Variants in AHCTF1 observed in about 807,000 individuals in gnomAD.
AHCTF1 encodes the protein protein ELYS.
In AHCTF1, 24 loss-of-function variants were observed where a neutral mutation model predicts 248.4. That is an observed-to-expected ratio of 0.10 (90% CI 0.07 to 0.14). The LOEUF is 0.14. Ranked by LOEUF, AHCTF1 falls within the 10% of genes least tolerant of loss-of-function variation. The pLI, the probability that AHCTF1 is intolerant of heterozygous loss-of-function variation, is 1.00. For missense variants in AHCTF1, 2,206 were observed against 2,636.2 expected, an observed-to-expected ratio of 0.84 and a Z score of 3.57; for synonymous variants, 786 against 929.8, an observed-to-expected ratio of 0.85 and a Z score of 2.81.
chr1:246,849,617 T>C lies in AHCTF1; in HGVS notation c.6389A>G (p.Lys2130Arg), dbSNP rs138284466. 2.5e-4 allele frequency: 398 copies of C among 1,602,004 alleles called. No homozygotes were observed. Among genetic ancestry groups the C allele is most frequent in the Non-Finnish European group, 3.3e-4 (389 of 1,173,564 alleles). ...SPASEVPRKA[K>R]AKKIEVPAQL... is the part of the protein sequence containing the mutation. Reference sequence around the variant, plus strand: ...GTTTTGCAGAGAAAGAAAAGTACCTTTTGCTTTCCTTGGAACTTCTGACGC... The same window carrying C: ...GTTTTGCAGAGAAAGAAAAGTACCTCTTGCTTTCCTTGGAACTTCTGACGC... Residue 2130 changes from lysine (K) to arginine (R), a missense_variant and splice_region_variant, in exon 33 of 36, where the codon AAA becomes AGA. Around this residue, in one of 6 missense-constraint regions of AHCTF1, gnomAD observed 469 missense variants for 470.0 expected, o/e 1.00. Coordinates refer to ENST00000648844, the MANE Select transcript of AHCTF1 (RefSeq NM_001323342.2).
chr1:246,851,367 G>T lies in AHCTF1; in HGVS notation c.4639C>A (p.Pro1547Thr). Residue 1547 changes from proline (P) to threonine (T), a missense_variant, in exon 33 of 36, where the codon CCC (proline) becomes ACC (threonine). Physicochemically the swap from Pro to Thr is conservative, Grantham distance 38. Transcript: ENST00000648844. ...ARNLSFNELY[P>T]SGTLKLQYNF... Reference sequence around the variant, plus strand: ...TACTGAAGCTTAAGTGTTCCAGAGGGATATAACTCATTAAATGAAAGATTC... The same window carrying T: ...TACTGAAGCTTAAGTGTTCCAGAGGTATATAACTCATTAAATGAAAGATTC... The T allele has an allele frequency of 6.2e-7, 1 of 1,613,798 alleles. No individual in the cohort carries two copies. The highest frequency in any genetic ancestry group is 8.5e-7 in the Non-Finnish European group (1 of 1,179,778).
At chr1:246,863,425 C>G (rs1380304867) in intron 27 of AHCTF1, among the ~76,000 whole-genome samples, 1 of 151,482 alleles carries the variant, frequency 6.6e-6, no homozygotes, top group East Asian at 1.9e-4. Context: ...AAGGCCACCA[C>G]TAGCAGATAT....
intron 1 of AHCTF1, among the ~76,000 whole-genome samples, chr1:246,921,614 T>A (rs1666555930): frequency 6.6e-6 from 1 of 152,104 alleles, no homozygotes; most frequent in South Asian, 2.1e-4. Context: ...ATTTCCCAGA[T>A]TTACAGACAC....
intron 24 of AHCTF1, among the ~76,000 whole-genome samples, chr1:246,874,580 G>A (rs1475167459): frequency 6.6e-6 from 1 of 152,068 alleles, no homozygotes; most frequent in African/African-American, 2.4e-5. Flanking sequence ...CCCACTGCCA[G>A]GCTGCCTTGG....
At chr1:246,842,671 A>AC (rs1553282444) in intron 35 of AHCTF1, 23 bp downstream of exon 35, 11 of 1,606,062 alleles carry the variant, frequency 6.8e-6, no homozygotes, top group South Asian at 6.6e-5. Context: ...TCAATCAATC[A>AC]AGAACAGAAC....
intron 16 of AHCTF1, 100 bp from the exon 17 acceptor site, chr1:246,890,159 C>G: frequency 1.2e-6 from 1 of 816,710 alleles, no homozygotes; most frequent in Non-Finnish European, 1.9e-6. Flanking sequence ...ACAGCAACCC[C>G]TGGTTAACCC....
intron 24 of AHCTF1, among the ~76,000 whole-genome samples, chr1:246,868,765 C>T (rs1281720867): frequency 6.6e-6 from 1 of 150,458 alleles, no homozygotes; most frequent in Non-Finnish European, 1.5e-5. Context: ...ACAGAGCAGC[C>T]AATAAAAAAG....
In AHCTF1 at chr1:246,858,273, C is replaced by T. The variant is rs1456398264; in HGVS notation, c.4133-459G>A. Among the ~76,000 whole-genome samples the T allele has an allele frequency of 1.3e-5, 2 of 152,200 alleles. 1 individual carries two copies. The highest frequency in any genetic ancestry group is 4.1e-4 in the South Asian group (2 of 4,824). On this transcript the variant is annotated intron_variant, in intron 29 of 35. Coordinates refer to ENST00000648844, the MANE Select transcript of AHCTF1 (RefSeq NM_001323342.2). ...TGCACCCGGCCAACACCTTCTTCTTCTAATTCTCTGAACCTAGCTCAAGAG... is the reference window on the plus strand; with the variant it reads ...TGCACCCGGCCAACACCTTCTTCTTTTAATTCTCTGAACCTAGCTCAAGAG...
Position 246,899,532 on chromosome 1 carries a change from A to C in AHCTF1, c.1433-20T>G, listed in dbSNP as rs1230800724. The C allele has an allele frequency of 1.3e-6, 2 of 1,591,750 alleles. No individual in the cohort carries two copies. Among genetic ancestry groups the C allele is most frequent in the Non-Finnish European group, 1.7e-6 (2 of 1,163,348 alleles). On this transcript the variant is annotated intron_variant, in intron 10 of 35. Coordinates refer to ENST00000648844, the MANE Select transcript of AHCTF1 (RefSeq NM_001323342.2). ...TGGCATCTAAAAAAAAGATTTAAAA[A>C]ATAATCCACTTACATATATTTAAAA...
chr1:246,849,647 G>A lies in AHCTF1; in HGVS notation c.6359C>T (p.Ser2120Phe), dbSNP rs1455894465. ...LSEPNNEPLFSPASEVPRKAK... is the reference protein window; with the variant it reads ...LSEPNNEPLFFPASEVPRKAK... ...TTTCCTTGGAACTTCTGACGCTGGA[G>A]AAAATAAAGGCTCATTGTTTGGTTC... is the stretch of plus-strand genomic sequence containing the variant. The change falls in exon 33 of 36, where the codon TCT (serine) becomes TTT (phenylalanine). Residue 2120 changes from serine to phenylalanine, a missense_variant. Transcript: ENST00000648844. The A allele has an allele frequency of 7.5e-6, 12 of 1,610,292 alleles. No individual in the cohort carries two copies. The highest frequency in any genetic ancestry group is 1.0e-5 in the Non-Finnish European group (12 of 1,177,324).
rs373985621 is a variant in AHCTF1 at position 246,913,384 on chromosome 1, T to C, written c.404A>G (p.His135Arg). 1.8e-5 allele frequency: 29 copies of C among 1,612,596 alleles called. No homozygotes were observed. The highest frequency in any genetic ancestry group is 1.6e-4 in the Middle Eastern group (1 of 6,078). ...CTGAGTGCTTGCACTGGCTCCTCCA[T>C]GATTAATTATAGGTTCAATAGCTGT... The part of the protein sequence containing the change: ...RVTAIEPIIN[H>R]GGASASTQHL... The change falls in exon 4 of 36, where the codon CAT (histidine) becomes CGT (arginine). Residue 135 changes from histidine (H) to arginine (R), a missense_variant. Physicochemically the swap from His to Arg is conservative, Grantham distance 29. Transcript: ENST00000648844.
At chr1:246,911,921 C>T (rs953436302) in intron 4 of AHCTF1, among the ~76,000 whole-genome samples, 2 of 151,876 alleles carry the variant, frequency 1.3e-5, no homozygotes, top group African/African-American at 4.8e-5. Context: ...TAGTTTTTAT[C>T]ACTTGCAGTT....
chr1:246,918,682 T>C (rs76041954), intron 1 of AHCTF1, among the ~76,000 whole-genome samples: 4,132 of 152,314 alleles, frequency 0.027, 218 homozygotes, highest in African/African-American at 0.094. Flanking sequence ...ACAAATGACA[T>C]GCATCTGGGA....
intron 33 of AHCTF1, among the ~76,000 whole-genome samples, chr1:246,848,716 T>G (rs1389696965): frequency 1.3e-5 from 2 of 150,376 alleles, no homozygotes; most frequent in African/African-American, 4.9e-5. Flanking sequence ...TACAAAAAAT[T>G]AGCCAGGCCT....
chr1:246,869,059 T>C (rs954327380), intron 24 of AHCTF1, among the ~76,000 whole-genome samples: 6 of 151,666 alleles, frequency 4.0e-5, no homozygotes, highest in East Asian at 1.9e-4. Context: ...TTGGCCAGGA[T>C]GGTCTCGATC....
intron 31 of AHCTF1, among the ~76,000 whole-genome samples, chr1:246,854,124 C>G (rs1008120134): frequency 6.6e-6 from 1 of 151,912 alleles, no homozygotes; most frequent in African/African-American, 2.4e-5. Context: ...ACGGTGAAAC[C>G]CTGTCTCCAC....
intron 1 of AHCTF1, among the ~76,000 whole-genome samples, chr1:246,927,960 AC>A (rs1667061441): frequency 1.3e-5 from 2 of 152,144 alleles, no homozygotes; most frequent in Non-Finnish European, 2.9e-5. Context: ...AGATCACGCC[AC>A]TGCACTCCAG....
chr1:246,879,837 G>A (rs917928157), intron 21 of AHCTF1, among the ~76,000 whole-genome samples: 22 of 138,910 alleles, frequency 1.6e-4, no homozygotes, highest in Admixed American at 1.4e-3. Flanking sequence ...CCCCAACCCC[G>A]CCAAAAAAAA....
intron 17 of AHCTF1, among the ~76,000 whole-genome samples, chr1:246,889,098 C>T (rs967475341): frequency 6.6e-6 from 1 of 152,172 alleles, no homozygotes; most frequent in Non-Finnish European, 1.5e-5. Context: ...ATTAAGCAAA[C>T]TACCATAAAG....
Sources: allele counts gnomAD v4.1 joint callset (sites outside exome capture counted in the v4.1 genomes callset), GRCh38; gene constraint gnomAD v4.1.1; regional missense constraint gnomAD v4.1.1; transcripts MANE v1.5; gene names NCBI Gene and HGNC (gene_info 2026-07-23, HGNC 2026-07-21).